Variants in FARP2 observed in about 807,000 individuals in gnomAD.
FARP2 encodes FERM, ARHGEF and pleckstrin domain-containing protein 2.
A neutral mutation model predicts 130.5 loss-of-function variants in FARP2; 111 were observed. The ratio of observed to expected loss-of-function variants is 0.85; its 90% CI spans 0.73 to 1.00. The LOEUF (loss-of-function observed/expected upper bound fraction) is 1.00. Among genes scored for constraint, FARP2 ranks in the 50% least tolerant of loss-of-function variants. The probability of loss-of-function intolerance (pLI) is 0.00; values close to 1 mark genes in which losing one functional copy is unlikely to be tolerated. For synonymous variants in FARP2, 504 were observed against 516.9 expected, an observed-to-expected ratio of 0.98 and a Z score of 0.34; for missense variants, 1,385 against 1,346.3, an observed-to-expected ratio of 1.03 and a Z score of -0.45.
chr2:241,430,054 A>G (rs1210007418), intron 8 of FARP2, among the ~76,000 whole-genome samples: 1 of 152,136 alleles, frequency 6.6e-6, no homozygotes, highest in Non-Finnish European at 1.5e-5. Context: ...CATTCTTCCT[A>G]CTACTGGAAG....
chr2:241,408,852 A>G (rs903349033), intron 5 of FARP2, among the ~76,000 whole-genome samples: 7 of 152,208 alleles, frequency 4.6e-5, no homozygotes, highest in East Asian at 1.9e-4. Flanking sequence ...GTCAGCTGCA[A>G]GGAAATGGAG....
At chr2:241,362,188 C>T (rs1012173626) in intron 1 of FARP2, among the ~76,000 whole-genome samples, 3 of 152,194 alleles carry the variant, frequency 2.0e-5, no homozygotes, top group Admixed American at 6.5e-5. Flanking sequence ...TGAGCCATCA[C>T]GCCCGGTCCC....
At chr2:241,470,702 A>G (rs1279328433) in intron 18 of FARP2, among the ~76,000 whole-genome samples, 11 of 144,404 alleles carry the variant, frequency 7.6e-5, no homozygotes, top group East Asian at 4.3e-4. Context: ...ATGGGGATGC[A>G]CTCTGAGGGG....
At chr2:241,378,378 G>A (rs917365099) in intron 2 of FARP2, among the ~76,000 whole-genome samples, 1 of 143,858 alleles carries the variant, frequency 7.0e-6, no homozygotes, top group African/African-American at 2.6e-5. Flanking sequence ...GCCTCCCAAA[G>A]TTTTGGGATT....
chr2:241,484,631 G>A (rs554311781), intron 21 of FARP2, among the ~76,000 whole-genome samples: 10 of 152,302 alleles, frequency 6.6e-5, no homozygotes, highest in Admixed American at 1.3e-4. Context: ...CCTGCTCCCC[G>A]CAAGCTTAGA....
intron 18 of FARP2, 103 bp downstream of exon 18, chr2:241,468,480 G>A: frequency 2.4e-6 from 2 of 823,774 alleles, no homozygotes; most frequent in South Asian, 3.1e-5. Flanking sequence ...GGAAGCGCAG[G>A]AGTCCACCCC....
At chr2:241,394,452 A>C in intron 2 of FARP2, among the ~76,000 whole-genome samples, 1 of 150,086 alleles carries the variant, frequency 6.7e-6, no homozygotes, top group South Asian at 2.1e-4. Context: ...CAGGAGGCGG[A>C]GCTTGTAGTG....
chr2:241,416,074 G>A (rs1260870706), intron 7 of FARP2, among the ~76,000 whole-genome samples: 11 of 151,446 alleles, frequency 7.3e-5, no homozygotes, highest in African/African-American at 1.9e-4. Context: ...CTGTGTGGTC[G>A]TGTGTGCATG....
intron 19 of FARP2, among the ~76,000 whole-genome samples, chr2:241,480,866 GTGGAGGTCC>G (rs1225847355): frequency 1.3e-5 from 2 of 152,058 alleles, no homozygotes; most frequent in Admixed American, 6.6e-5. Context: ...TCTTTTGCAT[GTGGAGGTCC>G]AGTTTTCCCG....
intron 17 of FARP2, chr2:241,465,794 C>T: frequency 1.3e-6 from 2 of 1,549,848 alleles, no homozygotes; most frequent in Non-Finnish European, 1.7e-6. Context: ...GCCTGTCCCA[C>T]CTTCTACCCA....
At chr2:241,479,023 A>G in intron 19 of FARP2, 1 of 530,342 alleles carries the variant, frequency 1.9e-6, no homozygotes, top group Non-Finnish European at 3.5e-6. Context: ...TGAAAAAATG[A>G]TTTACTCTTT....
chr2:241,492,828 C>CTGGAGAAAGCA (rs1474832445), intron 24 of FARP2, 101 bp from the exon 25 acceptor site: 2 of 701,428 alleles, frequency 2.9e-6, no homozygotes, highest in African/African-American at 3.6e-5. Flanking sequence ...AAGGCCTCAG[C>CTGGAGAAAGCA]TGGAGAAAGC....
intron 2 of FARP2, among the ~76,000 whole-genome samples, chr2:241,392,200 C>T (rs11896564): frequency 0.012 from 1,876 of 152,306 alleles, 31 homozygotes; most frequent in African/African-American, 0.043. Flanking sequence ...TGGTGTGAGC[C>T]GCTGGCTCTC....
chr2:241,488,041 GCCTACTCTAAATGTGCTCAGAA>G (rs1419220657), intron 21 of FARP2: 3 of 152,108 alleles, frequency 2.0e-5, no homozygotes, highest in Non-Finnish European at 4.4e-5. Context: ...AGCCAGCCTA[GCCTACTCTAAATGTGCTCAGAA>G]CATACATTAG....
At chr2:241,484,517 T>C (rs148286430) in intron 21 of FARP2, among the ~76,000 whole-genome samples, 186 bp downstream of exon 21, 14 of 152,342 alleles carry the variant, frequency 9.2e-5, no homozygotes, top group African/African-American at 2.4e-4. Flanking sequence ...CTCATGGTCA[T>C]TGTTGTTATT....
At chr2:241,424,996 T>C (rs2062896564) in intron 8 of FARP2, among the ~76,000 whole-genome samples, 1 of 152,102 alleles carries the variant, frequency 6.6e-6, no homozygotes, top group Admixed American at 6.6e-5. Context: ...TCACTTGATG[T>C]CAGGAGTTCA....
chr2:241,364,305 C>G (rs1294018935), intron 1 of FARP2, among the ~76,000 whole-genome samples: 1 of 152,198 alleles, frequency 6.6e-6, no homozygotes, highest in African/African-American at 2.4e-5. Context: ...AACTAAGGAC[C>G]TCAGTCCTCT....
At chr2:241,374,291 G>A (rs765221526) in intron 2 of FARP2, among the ~76,000 whole-genome samples, 8 of 152,276 alleles carry the variant, frequency 5.3e-5, no homozygotes, top group African/African-American at 1.4e-4. Flanking sequence ...GATTATAGGT[G>A]TAAGCCACCG....
intron 8 of FARP2, 108 bp downstream of exon 8, chr2:241,418,217 G>A (rs1024922473): frequency 2.8e-5 from 33 of 1,189,300 alleles, no homozygotes; most frequent in Admixed American, 6.4e-5. Flanking sequence ...TGATGAGTAC[G>A]GGCCTCGATT....
Sources: allele counts gnomAD v4.1 joint callset (sites outside exome capture counted in the v4.1 genomes callset), GRCh38; gene constraint gnomAD v4.1.1; transcripts MANE v1.5; gene names NCBI Gene and HGNC (gene_info 2026-07-23, HGNC 2026-07-21).